Variants in GRID2 observed in about 807,000 individuals in gnomAD.
GRID2 encodes the protein glutamate receptor ionotropic, delta-2.
A neutral mutation model predicts 114.8 loss-of-function variants in GRID2; 33 were observed. That is an observed-to-expected ratio of 0.29 (90% CI 0.22 to 0.38). The LOEUF is 0.38. GRID2 is among the 10% of genes least tolerant of loss of function. The pLI, the probability that GRID2 is intolerant of heterozygous loss-of-function variation, is 1.00. For synonymous variants in GRID2, 505 were observed against 449.9 expected (o/e 1.12, Z -1.55); for missense variants, 1,184 against 1,257.7 (o/e 0.94, Z 0.89).
At chr4:93,090,374 T>C (rs1227721956) in intron 3 of GRID2, among the ~76,000 whole-genome samples, 1 of 152,176 alleles carries the variant, frequency 6.6e-6, no homozygotes, top group Non-Finnish European at 1.5e-5. Flanking sequence ...AGCATTAATT[T>C]AGATACAAAA....
chr4:93,315,385 C>T (rs1208652176), intron 8 of GRID2, among the ~76,000 whole-genome samples: 2 of 152,074 alleles, frequency 1.3e-5, no homozygotes, highest in Non-Finnish European at 1.5e-5. Flanking sequence ...ATGCTTCGAC[C>T]AGCATCTCCC....
At chr4:92,876,994 T>A (rs980308846) in intron 2 of GRID2, among the ~76,000 whole-genome samples, 1 of 152,240 alleles carries the variant, frequency 6.6e-6, no homozygotes, top group African/African-American at 2.4e-5. Context: ...ACATGTTACT[T>A]CAACATCTAT....
Position 93,691,851 on chromosome 4 carries a change from A to G in GRID2, c.2360+65416A>G, listed in dbSNP as rs116390855. ...ATTTTCATTCTCTGAGATCTGACAT[A>G]TAATTTTATATACTAATTTCAAATA... is the stretch of plus-strand genomic sequence containing the variant. On this transcript the variant is annotated intron_variant, in intron 14 of 15. Transcript: ENST00000282020. 6.1e-3 allele frequency among the ~76,000 whole-genome samples: 927 copies of G among 152,112 alleles called. 12 individuals are homozygous for G. The highest frequency in any genetic ancestry group is 0.021 in the African/African-American group (880 of 41,560).
intron 1 of GRID2, among the ~76,000 whole-genome samples, chr4:92,419,131 G>C (rs1275751858): frequency 1.3e-5 from 2 of 152,038 alleles, no homozygotes; most frequent in Non-Finnish European, 2.9e-5. Context: ...GTCATTTTCA[G>C]GTAGAGTATG....
intron 2 of GRID2, among the ~76,000 whole-genome samples, chr4:93,042,453 A>G (rs1725655572): frequency 6.8e-6 from 1 of 148,128 alleles, no homozygotes; most frequent in African/African-American, 2.5e-5. Flanking sequence ...ATTAGTTGGA[A>G]TACAGCAGGC....
intron 2 of GRID2, among the ~76,000 whole-genome samples, chr4:92,910,033 G>A (rs1748251128): frequency 6.6e-6 from 1 of 151,980 alleles, no homozygotes; most frequent in South Asian, 2.1e-4. Flanking sequence ...AGAGAGGAAA[G>A]GAGGAAAGGA....
At chr4:92,746,561 T>C (rs1737157789) in intron 2 of GRID2, among the ~76,000 whole-genome samples, 1 of 152,136 alleles carries the variant, frequency 6.6e-6, no homozygotes, top group Non-Finnish European at 1.5e-5. Context: ...TGTTTTGCTC[T>C]GGAATGCTAA....
intron 1 of GRID2, among the ~76,000 whole-genome samples, chr4:93,781,019 G>A (rs941710997): frequency 1.3e-5 from 2 of 152,192 alleles, no homozygotes; most frequent in African/African-American, 4.8e-5. Context: ...AATATAGAGT[G>A]TAAAAGAGAA....
chr4:92,803,807 T>A (rs1357462864), intron 2 of GRID2, among the ~76,000 whole-genome samples: 1 of 152,126 alleles, frequency 6.6e-6, no homozygotes, highest in African/African-American at 2.4e-5. Context: ...TGTAACAGAG[T>A]TCCACAAACT....
chr4:93,083,935 G>A (rs922583670), intron 2 of GRID2, among the ~76,000 whole-genome samples: 13 of 151,652 alleles, frequency 8.6e-5, no homozygotes, highest in African/African-American at 3.2e-4. Context: ...TCATTAACTG[G>A]CCAGTTAATT....
intron 8 of GRID2, among the ~76,000 whole-genome samples, chr4:93,357,770 A>G (rs1761489589): frequency 1.3e-5 from 2 of 151,632 alleles, no homozygotes; most frequent in Non-Finnish European, 3.0e-5. Flanking sequence ...ATCCAGCTTT[A>G]TTTTATCTGT....
In GRID2 at chr4:92,358,231, G is replaced by A. The variant is rs575886822; in HGVS notation, c.88+53487G>A. ...CAAGAATGTGCAAAGCACTGAGAGC[G>A]GTAATGAGCTTTCATGTTGTTCACT... is the stretch of plus-strand genomic sequence containing the variant. On this transcript the variant is annotated intron_variant, in intron 1 of 15. Coordinates refer to ENST00000282020, the MANE Select transcript of GRID2 (RefSeq NM_001510.4). Among the ~76,000 whole-genome samples, 25 of 152,022 alleles carry A rather than the reference G, an allele frequency of 1.6e-4. No individual in the cohort carries two copies. The East Asian group carries it at 2.5e-3, about 15-fold the overall frequency.
intron 8 of GRID2, among the ~76,000 whole-genome samples, chr4:93,287,344 A>G (rs1225999050): frequency 6.6e-6 from 1 of 152,212 alleles, no homozygotes; most frequent in Non-Finnish European, 1.5e-5. Flanking sequence ...TATCCAAGGC[A>G]ACAGTGATAG....
At chr4:93,587,587 G>C (rs892119159) in intron 13 of GRID2, among the ~76,000 whole-genome samples, 2 of 151,714 alleles carry the variant, frequency 1.3e-5, no homozygotes, top group African/African-American at 4.8e-5. Context: ...TCTATCCATG[G>C]CCTCATTTTA....
At chr4:93,714,093 C>T (rs1328764263) in intron 14 of GRID2, among the ~76,000 whole-genome samples, 1 of 152,054 alleles carries the variant, frequency 6.6e-6, no homozygotes, top group African/African-American at 2.4e-5. Flanking sequence ...TCTCCTTCCT[C>T]CCCCACCCCC....
At chr4:93,222,859 T>C (rs933341552) in intron 6 of GRID2, among the ~76,000 whole-genome samples, 3 of 152,098 alleles carry the variant, frequency 2.0e-5, no homozygotes, top group Admixed American at 2.0e-4. Flanking sequence ...TAAAGACACA[T>C]GCACACGTAT....
intron 2 of GRID2, among the ~76,000 whole-genome samples, chr4:92,600,866 A>G (rs1560482428): frequency 1.3e-5 from 2 of 152,232 alleles, no homozygotes; most frequent in Non-Finnish European, 2.9e-5. Flanking sequence ...GTCAGGAGGC[A>G]TAAGATGCAG....
intron 8 of GRID2, among the ~76,000 whole-genome samples, chr4:93,288,695 T>C (rs776979195): frequency 3.9e-5 from 6 of 152,212 alleles, no homozygotes; most frequent in Non-Finnish European, 7.3e-5. Context: ...CATTGATATG[T>C]TGTATCAGAG....
intron 1 of GRID2, among the ~76,000 whole-genome samples, chr4:92,318,087 A>T (rs1381256884): frequency 6.6e-6 from 1 of 151,994 alleles, no homozygotes; most frequent in Non-Finnish European, 1.5e-5. Flanking sequence ...TATATTATAG[A>T]CCATGAAGAG....
Sources: gnomAD v4.1 joint callset for allele counts (sites outside exome capture counted in the v4.1 genomes callset) on GRCh38, gnomAD v4.1.1 for gene constraint, MANE v1.5 for transcripts, NCBI Gene and HGNC (gene_info 2026-07-23, HGNC 2026-07-21) for gene names.